Variants in PDE7B observed in about 807,000 individuals in gnomAD.
PDE7B encodes the protein 3',5'-cyclic-AMP phosphodiesterase 7B.
A neutral mutation model predicts 56.2 loss-of-function variants in PDE7B; 29 were observed. The ratio of observed to expected loss-of-function variants is 0.52; its 90% CI spans 0.38 to 0.70. PDE7B has a LOEUF of 0.70. Among genes scored for constraint, PDE7B ranks in the 30% least tolerant of loss-of-function variants. The probability of loss-of-function intolerance (pLI) is 0.00; values close to 1 mark genes in which losing one functional copy is unlikely to be tolerated. For missense variants in PDE7B, 490 were observed against 565.0 expected (o/e 0.87, Z 1.35); for synonymous variants, 197 against 196.9 (o/e 1.00, Z 0.00).
chr6:136,116,577 G>T (rs939656975), intron 3 of PDE7B, among the ~76,000 whole-genome samples: 8 of 152,204 alleles, frequency 5.3e-5, no homozygotes, highest in Non-Finnish European at 8.8e-5. Context: ...GAGAGCCAGA[G>T]TTGGTCTGGC....
At chr6:136,015,607 C>T (rs1415768663) in intron 2 of PDE7B, among the ~76,000 whole-genome samples, 7 of 152,084 alleles carry the variant, frequency 4.6e-5, no homozygotes, top group South Asian at 4.1e-4. Flanking sequence ...AGCAAGAGAA[C>T]GAGGGGGAAA....
chr6:135,914,156 T>C (rs1319405384), intron 1 of PDE7B, among the ~76,000 whole-genome samples: 3 of 152,200 alleles, frequency 2.0e-5, no homozygotes, highest in Non-Finnish European at 2.9e-5. Context: ...TGTTGATATG[T>C]AGTTGCCACT....
At chr6:135,967,545 T>C (rs1301303268) in intron 2 of PDE7B, among the ~76,000 whole-genome samples, 2 of 152,186 alleles carry the variant, frequency 1.3e-5, no homozygotes, top group African/African-American at 4.8e-5. Flanking sequence ...GAGACAGTCC[T>C]GAAATCTGTG....
chr6:135,858,109 T>C (rs9494400), intron 1 of PDE7B, among the ~76,000 whole-genome samples: 12,997 of 151,654 alleles, frequency 0.086, 1,119 homozygotes, highest in African/African-American at 0.23. Context: ...GAAGAAAGAG[T>C]TCTATTTTAT....
intron 1 of PDE7B, among the ~76,000 whole-genome samples, chr6:135,885,875 G>A (rs1316640291): frequency 6.6e-6 from 1 of 151,874 alleles, no homozygotes; most frequent in Non-Finnish European, 1.5e-5. Context: ...TAACTGTTAA[G>A]ACAAGATGCT....
intron 8 of PDE7B, among the ~76,000 whole-genome samples, chr6:136,157,355 CG>C (rs1477128351): frequency 6.6e-6 from 1 of 152,086 alleles, no homozygotes; most frequent in Non-Finnish European, 1.5e-5. Context: ...CTGAGGCAGG[CG>C]GATCACTTGA....
chr6:135,903,285 A>G (rs1776038312), intron 1 of PDE7B, among the ~76,000 whole-genome samples: 1 of 152,210 alleles, frequency 6.6e-6, no homozygotes. Flanking sequence ...CATTTTATGG[A>G]TGAAGAAACT....
chr6:136,147,174 C>CAA (rs1778428594), intron 3 of PDE7B, among the ~76,000 whole-genome samples, 177 bp from the exon 4 acceptor site: 1 of 144,224 alleles, frequency 6.9e-6, no homozygotes, highest in African/African-American at 2.5e-5. Flanking sequence ...AAAAAAAAAA[C>CAA]AAATATCAGG....
chr6:135,851,858 C>CTTTTTTTTTTTTTTTTTT lies in PDE7B; in HGVS notation c.-128_-127insTTTTTTTTTTTTTTTTTT. On this transcript the variant is annotated 5_prime_UTR_variant, in exon 1 of 13. Coordinates refer to ENST00000308191, the MANE Select transcript of PDE7B (RefSeq NM_018945.4). ...TTCTTTATTTCTTTTCCTTTTTTTT[C>CTTTTTTTTTTTTTTTTTT]TTTTTTTTTTTTTGTTACTTAATTA... The CTTTTTTTTTTTTTTTTTT allele has an allele frequency of 2.0e-6, 1 of 508,638 alleles. No homozygotes were observed. 31.5% of individuals were successfully genotyped at this position (508,638 alleles called of 1,614,324 possible). A position where few individuals can be genotyped will look rare whatever the true frequency, so the allele number is the denominator to read the frequency against.
intron 2 of PDE7B, among the ~76,000 whole-genome samples, chr6:136,046,685 T>C (rs1168205284): frequency 6.6e-6 from 1 of 152,176 alleles, no homozygotes; most frequent in Non-Finnish European, 1.5e-5. Flanking sequence ...GACATGACCT[T>C]ACCCTGTGCC....
At chr6:135,919,037 A>T (rs1444775397) in intron 1 of PDE7B, among the ~76,000 whole-genome samples, 1 of 152,254 alleles carries the variant, frequency 6.6e-6, no homozygotes, top group Non-Finnish European at 1.5e-5. Flanking sequence ...ATATGAAAGT[A>T]TCAAAATATT....
intron 11 of PDE7B, 58 bp downstream of exon 11, chr6:136,181,381 C>A: frequency 5.8e-6 from 6 of 1,028,242 alleles, no homozygotes; most frequent in Non-Finnish European, 9.3e-6. Flanking sequence ...AGGCATTTAT[C>A]CTAATAAAAC....
intron 3 of PDE7B, among the ~76,000 whole-genome samples, chr6:136,109,475 G>A (rs946060465): frequency 6.6e-6 from 1 of 152,152 alleles, no homozygotes; most frequent in Non-Finnish European, 1.5e-5. Context: ...ACCCCACAGG[G>A]AAACCTCTTC....
chr6:135,883,974 T>C (rs1414669158), intron 1 of PDE7B, among the ~76,000 whole-genome samples: 2 of 152,176 alleles, frequency 1.3e-5, no homozygotes, highest in African/African-American at 2.4e-5. Flanking sequence ...TTCAGCTTTG[T>C]TTTGCGTTTG....
intron 2 of PDE7B, among the ~76,000 whole-genome samples, chr6:136,085,669 G>A (rs953876586): frequency 6.6e-5 from 10 of 152,338 alleles, no homozygotes; most frequent in African/African-American, 1.2e-4. Context: ...AAGGCAAAGA[G>A]TGGAGGCAAA....
Position 136,173,836 on chromosome 6 carries a change from A to G in PDE7B, c.751A>G (p.Ile251Val), listed in dbSNP as rs138283749. Residue 251 changes from isoleucine to valine, a missense_variant, in exon 9 of 13, where the codon ATT becomes GTT. Physicochemically the swap from Ile to Val is conservative, Grantham distance 29 (BLOSUM62 3). Transcript: ENST00000308191. ...GGAGAATCATCACTGGCGATCTACA[A>G]TTGGCATGCTTCGAGAATCAAGGCT... Reference protein sequence around the residue: ...VLENHHWRSTIGMLRESRLLA... With the variant: ...VLENHHWRSTVGMLRESRLLA... 2.6e-5 allele frequency: 42 copies of G among 1,612,834 alleles called. No homozygotes were observed. In the African/African-American group the frequency reaches 4.9e-4, roughly 19 times the overall value.
chr6:135,993,199 G>T (rs927185701), intron 2 of PDE7B: 4 of 152,242 alleles, frequency 2.6e-5, no homozygotes, highest in South Asian at 2.1e-4. Context: ...GGTGAGAGGT[G>T]AAGGCTATCC....
At position 136,014,756 on chromosome 6, in the gene PDE7B, G is replaced by T. The variant is rs557581084; in HGVS notation, c.82+67232G>T. On this transcript the variant is annotated intron_variant, in intron 2 of 12. Transcript: ENST00000308191. ...AAAATTACACATAAAATGAAATATT[G>T]GTGATTTGTACCTCTATTCAAAGCC... 5.9e-5 allele frequency among the ~76,000 whole-genome samples: 9 copies of T among 152,252 alleles called. No individual in the cohort carries two copies. In the East Asian group the frequency reaches 1.5e-3, roughly 26 times the overall value.
intron 3 of PDE7B, among the ~76,000 whole-genome samples, chr6:136,124,921 A>G (rs529204331): frequency 1.3e-5 from 2 of 152,244 alleles, no homozygotes; most frequent in African/African-American, 2.4e-5. Context: ...AAGATTATCA[A>G]TATGTGGAAT....
Sources: gnomAD v4.1 joint callset for allele counts (sites outside exome capture counted in the v4.1 genomes callset) on GRCh38, gnomAD v4.1.1 for gene constraint, MANE v1.5 for transcripts, NCBI Gene and HGNC (gene_info 2026-07-23, HGNC 2026-07-21) for gene names.